The following DPP6 variants were observed in gnomAD, a reference collection of about 807,000 sequenced individuals.
DPP6 encodes the protein A-type potassium channel modulatory protein DPP6.
Under a neutral mutation model 122.6 loss-of-function variants are expected in DPP6, and 69 were observed. The observed-to-expected ratio is 0.56, with a 90% CI of 0.46 to 0.69. The LOEUF is 0.69. DPP6 is among the 30% of genes least tolerant of loss of function. The probability of loss-of-function intolerance (pLI) is 0.00; values close to 1 mark genes in which losing one functional copy is unlikely to be tolerated. For synonymous variants in DPP6, 418 were observed against 433.1 expected, an observed-to-expected ratio of 0.97 and a Z score of 0.43; for missense variants, 928 against 1,116.9, an observed-to-expected ratio of 0.83 and a Z score of 2.41.
the DPP6 span, among the ~76,000 whole-genome samples, chr7:153,788,424 G>T: frequency 0.021 from 3,123 of 152,278 alleles, 53 homozygotes; most frequent in Middle Eastern, 0.048. Flanking sequence ...AAAAGAATTC[G>T]ATTAGCTCAG....
intron 16 of DPP6, among the ~76,000 whole-genome samples, chr7:154,816,928 T>C (rs1340193315): frequency 6.6e-6 from 1 of 152,164 alleles, no homozygotes; most frequent in African/African-American, 2.4e-5. Flanking sequence ...AGTGCATGTG[T>C]CCACCGTGGT....
At chr7:154,828,151 T>G (rs1800329521) in intron 16 of DPP6, among the ~76,000 whole-genome samples, 1 of 152,138 alleles carries the variant, frequency 6.6e-6, no homozygotes, top group South Asian at 2.1e-4. Context: ...GTAACGGTAA[T>G]GCTGTGGTTC....
intron 10 of DPP6, among the ~76,000 whole-genome samples, chr7:154,786,290 G>T (rs1797330190): frequency 6.6e-6 from 1 of 152,150 alleles, no homozygotes; most frequent in South Asian, 2.1e-4. Context: ...AAGCTAGAGG[G>T]TATAGCTCCA....
intron 1 of DPP6, among the ~76,000 whole-genome samples, chr7:154,253,042 A>G (rs1802445986): frequency 6.6e-6 from 1 of 152,376 alleles, no homozygotes; most frequent in Admixed American, 6.5e-5. Flanking sequence ...ATAAGCAGTA[A>G]AATAATCTTA....
chr7:154,182,052 GA>G, intron 1 of DPP6, among the ~76,000 whole-genome samples: 1 of 152,008 alleles, frequency 6.6e-6, no homozygotes, highest in African/African-American at 2.4e-5. Context: ...GTGCCTGGCC[GA>G]AAATGCATCT....
chr7:154,225,239 C>T (rs1052510651), intron 1 of DPP6, among the ~76,000 whole-genome samples: 1 of 152,064 alleles, frequency 6.6e-6, no homozygotes, highest in African/African-American at 2.4e-5. Context: ...TACCTCGAAT[C>T]CCTTTTGATT....
chr7:154,067,406 C>A (rs928130729), intron 1 of DPP6, among the ~76,000 whole-genome samples: 2 of 150,160 alleles, frequency 1.3e-5, no homozygotes, highest in African/African-American at 4.9e-5. Context: ...GGGAGATAAC[C>A]TTGAGAAGGA....
At position 154,718,408 on chromosome 7, in the gene DPP6, T is replaced by C. The variant is rs532797303; in HGVS notation, c.763-9359T>C. ...GTCTTATGGCTAAGTCTTTAAACCA[T>C]TTTGAGTTGATTTTTTTAAGAGGTG... On this transcript the variant is annotated intron_variant, in intron 7 of 25. Transcript: ENST00000377770. 2.1e-4 allele frequency among the ~76,000 whole-genome samples: 32 copies of C among 152,240 alleles called. 1 individual carries two copies. In the South Asian group the frequency reaches 5.6e-3, roughly 27 times the overall value.
intron 1 of DPP6, among the ~76,000 whole-genome samples, chr7:154,192,184 G>A (rs191035448): frequency 2.6e-5 from 4 of 152,276 alleles, no homozygotes; most frequent in Admixed American, 2.6e-4. Flanking sequence ...CAAGGTCTCC[G>A]ACTGAGCAGG....
intron 1 of DPP6, among the ~76,000 whole-genome samples, chr7:154,091,657 G>T (rs1373745122): frequency 6.6e-6 from 1 of 152,002 alleles, no homozygotes; most frequent in Non-Finnish European, 1.5e-5. Context: ...CTAAGAGAAA[G>T]GATAAGGTCC....
chr7:153,761,163 G>A, the DPP6 span, among the ~76,000 whole-genome samples: 2 of 152,124 alleles, frequency 1.3e-5, no homozygotes, highest in African/African-American at 4.8e-5. Context: ...CTCGAAATAT[G>A]TTGTTTCCTA....
intron 1 of DPP6, among the ~76,000 whole-genome samples, chr7:154,073,016 C>T (rs1803237482): frequency 1.3e-5 from 2 of 152,218 alleles, no homozygotes; most frequent in Admixed American, 1.3e-4. Flanking sequence ...ATCCACCCTC[C>T]TGTGAGTCCT....
chr7:153,931,572 A>AG (rs900247130), intron 1 of DPP6, among the ~76,000 whole-genome samples: 4 of 151,930 alleles, frequency 2.6e-5, no homozygotes, highest in Admixed American at 2.0e-4. Context: ...TTCATGGGAA[A>AG]AAAACTATTT....
chr7:153,868,395 T>C, the DPP6 span, among the ~76,000 whole-genome samples: 195 of 152,142 alleles, frequency 1.3e-3, 3 homozygotes, highest in African/African-American at 4.1e-3. Flanking sequence ...TGTATGTGTC[T>C]AGGAATTTAT....
intron 2 of DPP6, among the ~76,000 whole-genome samples, chr7:154,455,651 A>G (rs988647988): frequency 6.6e-6 from 1 of 152,120 alleles, no homozygotes; most frequent in African/African-American, 2.4e-5. Context: ...CCCATCATTA[A>G]TTCTAGAAGG....
At chr7:154,687,349 A>G (rs1177004491) in intron 7 of DPP6, among the ~76,000 whole-genome samples, 1 of 152,144 alleles carries the variant, frequency 6.6e-6, no homozygotes, top group Non-Finnish European at 1.5e-5. Flanking sequence ...CTATTTTTAA[A>G]TGTATTTACA....
chr7:154,096,594 T>G (rs969167545), intron 1 of DPP6, among the ~76,000 whole-genome samples: 3 of 152,196 alleles, frequency 2.0e-5, no homozygotes, highest in African/African-American at 7.2e-5. Context: ...AAATATTTCA[T>G]AATTAAAGTC....
intron 4 of DPP6, among the ~76,000 whole-genome samples, chr7:154,541,592 C>A (rs544081023): frequency 6.6e-6 from 1 of 152,150 alleles, no homozygotes; most frequent in Non-Finnish European, 1.5e-5. Flanking sequence ...AAATAAATCT[C>A]CAACTCAAAG....
intron 1 of DPP6, among the ~76,000 whole-genome samples, chr7:154,057,207 C>G (rs1001386890): frequency 6.6e-6 from 1 of 152,142 alleles, no homozygotes; most frequent in African/African-American, 2.4e-5. Context: ...GCAGCAACTG[C>G]CCAGCTAGTA....
Sources: gnomAD v4.1 joint callset for allele counts (sites outside exome capture counted in the v4.1 genomes callset) on GRCh38, gnomAD v4.1.1 for gene constraint, MANE v1.5 for transcripts, NCBI Gene and HGNC (gene_info 2026-07-23, HGNC 2026-07-21) for gene names.